TMCO5A: variants seen among roughly 807,000 people sequenced by gnomAD.
The protein encoded by TMCO5A is transmembrane and coiled-coil domains 5A, also known as transmembrane and coiled-coil domain-containing protein 5A.
A neutral mutation model predicts 42.3 loss-of-function variants in TMCO5A; 34 were observed. That is an observed-to-expected ratio of 0.80 (90% CI 0.61 to 1.07). TMCO5A has a LOEUF of 1.07. TMCO5A is among the 50% of genes least tolerant of loss of function. The pLI, the probability that TMCO5A is intolerant of heterozygous loss-of-function variation, is 0.00. For synonymous variants in TMCO5A, 131 were observed against 115.6 expected (o/e 1.13, Z -0.86); for missense variants, 357 against 327.9 (o/e 1.09, Z -0.69).
At chr15:38,035,015 T>C in the TMCO5A span, among the ~76,000 whole-genome samples, 2 of 152,154 alleles carry the variant, frequency 1.3e-5, no homozygotes, top group African/African-American at 4.8e-5. Context: ...TGCACCACCT[T>C]GTACACATCC....
At chr15:37,938,919 A>G (rs1006998213) in intron 6 of TMCO5A, among the ~76,000 whole-genome samples, 32 of 152,116 alleles carry the variant, frequency 2.1e-4, no homozygotes, top group African/African-American at 7.2e-4. Context: ...TTTCTTGTGT[A>G]TACTCATGGG....
intron 6 of TMCO5A, among the ~76,000 whole-genome samples, chr15:37,938,470 A>C (rs558929075): frequency 6.6e-6 from 1 of 152,156 alleles, no homozygotes; most frequent in Non-Finnish European, 1.5e-5. Context: ...GCATATGTAA[A>C]ATTTGGGGCA....
chr15:37,994,585 G>T, the TMCO5A span: 1 of 152,208 alleles, frequency 6.6e-6, no homozygotes, highest in African/African-American at 2.4e-5. Context: ...TAATCTCTGG[G>T]ATCCTGCATC....
intron 11 of TMCO5A, among the ~76,000 whole-genome samples, chr15:37,960,528 T>A (rs1566923504): frequency 2.0e-5 from 3 of 151,402 alleles, no homozygotes; most frequent in Admixed American, 2.0e-4. Flanking sequence ...TGATGACTTC[T>A]CCTCCTGGTA....
chr15:38,021,748 T>C, the TMCO5A span, among the ~76,000 whole-genome samples: 1 of 152,130 alleles, frequency 6.6e-6, no homozygotes, highest in Admixed American at 6.5e-5. Context: ...ATATTAACTT[T>C]TTAATTTTTT....
the TMCO5A span, among the ~76,000 whole-genome samples, chr15:37,974,582 C>A: frequency 1.3e-5 from 2 of 152,096 alleles, no homozygotes; most frequent in African/African-American, 4.8e-5. Flanking sequence ...GTTTGTATTT[C>A]TGTGGGTTGG....
chr15:37,997,521 T>A, the TMCO5A span, among the ~76,000 whole-genome samples: 2 of 152,240 alleles, frequency 1.3e-5, no homozygotes, highest in Non-Finnish European at 2.9e-5. Context: ...TCCACCCATG[T>A]TATTGCAAAT....
chr15:37,937,696 C>G (rs553915676), intron 5 of TMCO5A, among the ~76,000 whole-genome samples: 1 of 152,178 alleles, frequency 6.6e-6, no homozygotes, highest in Non-Finnish European at 1.5e-5. Flanking sequence ...TTGACTGGAA[C>G]CTTTGCAGTG....
chr15:37,983,276 A>G, the TMCO5A span, among the ~76,000 whole-genome samples: 1,710 of 152,310 alleles, frequency 0.011, 21 homozygotes, highest in African/African-American at 0.02. Context: ...GTTTTACACA[A>G]TCTTCTAAGG....
the TMCO5A span, among the ~76,000 whole-genome samples, chr15:37,972,873 CT>C: frequency 6.6e-6 from 1 of 152,080 alleles, no homozygotes; most frequent in African/African-American, 2.4e-5. Flanking sequence ...TCTACAATGA[CT>C]TTTTTAGGTT....
At chr15:38,003,913 C>T in the TMCO5A span, among the ~76,000 whole-genome samples, 2 of 152,046 alleles carry the variant, frequency 1.3e-5, no homozygotes, top group African/African-American at 4.8e-5. Context: ...CTGGTGGTAC[C>T]CAAGCTTCAA....
At chr15:37,957,356 C>A (rs1434766399) in intron 11 of TMCO5A, among the ~76,000 whole-genome samples, 1 of 152,088 alleles carries the variant, frequency 6.6e-6, no homozygotes, top group African/African-American at 2.4e-5. Flanking sequence ...TGTCTCAGCC[C>A]CAAATCTCCT....
At chr15:38,032,447 G>A in the TMCO5A span, among the ~76,000 whole-genome samples, 5 of 152,258 alleles carry the variant, frequency 3.3e-5, no homozygotes, top group Middle Eastern at 3.4e-3. Context: ...GCTATGCTAC[G>A]TAAAGGGGCA....
the TMCO5A span, among the ~76,000 whole-genome samples, chr15:38,008,498 A>T: frequency 1.3e-5 from 2 of 152,184 alleles, no homozygotes; most frequent in Admixed American, 1.3e-4. Flanking sequence ...TTCATAAAGC[A>T]TCTGTCCTTG....
chr15:38,029,230 C>G, the TMCO5A span, among the ~76,000 whole-genome samples: 3 of 152,022 alleles, frequency 2.0e-5, no homozygotes, highest in African/African-American at 7.3e-5. Context: ...CTCTTGACCC[C>G]CAGTGCCGGT....
Position 37,936,966 on chromosome 15 carries a change from G to A in TMCO5A, c.260G>A (p.Arg87Lys). 6.2e-7 allele frequency: 1 copy of A among 1,612,130 alleles called. No homozygotes were observed. The highest frequency in any genetic ancestry group is 1.3e-5 in the African/African-American group (1 of 74,928). ...ALQELEEETARLERKNKTLVH... is the reference protein window; with the variant it reads ...ALQELEEETAKLERKNKTLVH... ...CAGGAGCTGGAGGAAGAAACAGCCAGACTTGTAAGCAAGAAGTTGGGAAGA... is the reference window on the plus strand; with the variant it reads ...CAGGAGCTGGAGGAAGAAACAGCCAAACTTGTAAGCAAGAAGTTGGGAAGA... The change falls in exon 4 of 12, where the codon AGA becomes AAA. Residue 87 changes from arginine (R) to lysine (K), a missense_variant. Arg to Lys is a conservative substitution (Grantham distance 26). Coordinates refer to ENST00000319669, the MANE Select transcript of TMCO5A (RefSeq NM_152453.4).
chr15:37,938,645 A>G (rs1889619614), intron 6 of TMCO5A, among the ~76,000 whole-genome samples: 1 of 152,114 alleles, frequency 6.6e-6, no homozygotes, highest in Non-Finnish European at 1.5e-5. Flanking sequence ...TGTGAGTTTT[A>G]CATTATTATT....
the TMCO5A span, among the ~76,000 whole-genome samples, chr15:37,991,164 G>T: frequency 6.6e-6 from 1 of 152,022 alleles, no homozygotes; most frequent in Non-Finnish European, 1.5e-5. Context: ...TTTTATAATT[G>T]CCCAGATATT....
chr15:38,010,425 T>TCTCACACACACACACACA, the TMCO5A span, among the ~76,000 whole-genome samples: 4,739 of 117,300 alleles, frequency 0.04, 158 homozygotes, highest in Middle Eastern at 0.065. Context: ...CAGAGGGAGA[T>TCTCACACACACACACACA]CACACACACA....
Sources: gnomAD v4.1 joint callset for allele counts (sites outside exome capture counted in the v4.1 genomes callset) on GRCh38, gnomAD v4.1.1 for gene constraint, MANE v1.5 for transcripts, NCBI Gene and HGNC (gene_info 2026-07-23, HGNC 2026-07-21) for gene names.